Variants in DISC1 observed in about 807,000 individuals in gnomAD.
DISC1 encodes DISC1 scaffold protein, also known as disrupted in schizophrenia 1 protein.
Under a neutral mutation model 84.5 loss-of-function variants are expected in DISC1, and 57 were observed. That is an observed-to-expected ratio of 0.67 (90% CI 0.55 to 0.84). The LOEUF is 0.84. Among genes scored for constraint, DISC1 ranks in the 40% least tolerant of loss-of-function variants. The probability of loss-of-function intolerance (pLI) is 0.00; values close to 1 mark genes in which losing one functional copy is unlikely to be tolerated. For missense variants in DISC1, 1,000 were observed against 1,057.8 expected (o/e 0.95, Z 0.76); for synonymous variants, 411 against 415.2 (o/e 0.99, Z 0.12).
At chr1:231,840,287 A>G (rs1170454369) in intron 9 of DISC1, among the ~76,000 whole-genome samples, 1 of 152,192 alleles carries the variant, frequency 6.6e-6, no homozygotes, top group African/African-American at 2.4e-5. Flanking sequence ...GTGACCTGGC[A>G]ATTCCACTCC....
chr1:231,731,974 C>G (rs529079794), intron 3 of DISC1, among the ~76,000 whole-genome samples: 1 of 152,270 alleles, frequency 6.6e-6, no homozygotes, highest in African/African-American at 2.4e-5. Context: ...CTGACTTGTT[C>G]AACATCTTGC....
intron 1 of DISC1, among the ~76,000 whole-genome samples, chr1:231,662,860 A>T (rs1462170997): frequency 3.9e-5 from 6 of 152,248 alleles, no homozygotes; most frequent in Admixed American, 2.0e-4. Context: ...AAAAAGGTCA[A>T]CAAAACACAA....
At chr1:231,885,680 G>A (rs1254545321) in intron 9 of DISC1, among the ~76,000 whole-genome samples, 1 of 152,144 alleles carries the variant, frequency 6.6e-6, no homozygotes, top group South Asian at 2.1e-4. Context: ...GAACCAGTCC[G>A]TGTGTCAGTC....
At chr1:231,977,578 A>G (rs1662991836) in intron 10 of DISC1, among the ~76,000 whole-genome samples, 1 of 152,212 alleles carries the variant, frequency 6.6e-6, no homozygotes, top group African/African-American at 2.4e-5. Flanking sequence ...ATCCAGGATC[A>G]TCTCCATCTC....
chr1:231,957,421 A>G (rs1659711342), intron 9 of DISC1, among the ~76,000 whole-genome samples: 1 of 151,498 alleles, frequency 6.6e-6, no homozygotes, highest in Admixed American at 6.6e-5. Context: ...CTAATGTTTT[A>G]TGGAATTTTT....
chr1:232,034,290 T>C (rs1241108681), intron 12 of DISC1, among the ~76,000 whole-genome samples: 1 of 152,180 alleles, frequency 6.6e-6, no homozygotes, highest in Non-Finnish European at 1.5e-5. Context: ...CAAAAGACAC[T>C]ATACTCTCAC....
At chr1:231,679,599 C>T (rs1484245152) in intron 1 of DISC1, among the ~76,000 whole-genome samples, 1 of 152,202 alleles carries the variant, frequency 6.6e-6, no homozygotes, top group Non-Finnish European at 1.5e-5. Flanking sequence ...TCCCCAGAGA[C>T]TTATTCTTAA....
intron 9 of DISC1, among the ~76,000 whole-genome samples, chr1:231,923,253 C>T (rs1273145710): frequency 2.7e-5 from 4 of 150,788 alleles, no homozygotes; most frequent in African/African-American, 9.8e-5. Flanking sequence ...CGCCACTGCA[C>T]TCCAGCCTAC....
At chr1:231,951,711 G>T (rs537564764) in intron 9 of DISC1, among the ~76,000 whole-genome samples, 1 of 152,144 alleles carries the variant, frequency 6.6e-6, no homozygotes, top group African/African-American at 2.4e-5. Context: ...CACGGGCAGC[G>T]TGATATTCAC....
In DISC1 at chr1:232,037,069, ATTTCT is replaced by A; in HGVS notation, c.*243_*247del. On this transcript the variant is annotated 3_prime_UTR_variant, in exon 13 of 13. Transcript: ENST00000439617. Reference sequence around the variant, plus strand: ...ATTTCCTTCTAAATGTCACTCAAAAATTTCTTTTCCATGTCATTCTTGGGAATGTC... The same window carrying A: ...ATTTCCTTCTAAATGTCACTCAAAAATTTCCATGTCATTCTTGGGAATGTC... 2.9e-6 allele frequency: 1 copy of A among 347,190 alleles called. No homozygotes were observed. Among genetic ancestry groups the A allele is most frequent in the East Asian group, 4.8e-5 (1 of 20,714 alleles). The allele number at this position is 347,190 out of a possible 1,614,324, so 21.5% of individuals were successfully genotyped here.
intron 8 of DISC1, among the ~76,000 whole-genome samples, chr1:231,811,451 T>G (rs923812967): frequency 6.6e-6 from 1 of 152,246 alleles, no homozygotes. Flanking sequence ...TTGAAAGATC[T>G]GGTGTCACGC....
rs1385107529 is a variant in DISC1 at position 231,664,027 on chromosome 1, T to TATCC, written c.68-29795_68-29792dup. ...TGTGCTAATGCCATATCTATCTATC[T>TATCC]ATCCATCTATCTATCCATCCATCCA... On this transcript the variant is annotated intron_variant, in intron 1 of 12. Coordinates refer to ENST00000439617, the MANE Select transcript of DISC1 (RefSeq NM_018662.3). Among the ~76,000 whole-genome samples, 11 of 140,876 alleles carry TATCC rather than the reference T, an allele frequency of 7.8e-5. No homozygotes were observed. In the East Asian group the frequency reaches 2.4e-3, roughly 30 times the overall value. The allele number at this position is 140,876 out of a possible 152,430, so 92.4% of individuals were successfully genotyped here.
At chr1:231,854,392 A>C (rs202064249) in intron 9 of DISC1, among the ~76,000 whole-genome samples, 10 of 152,228 alleles carry the variant, frequency 6.6e-5, no homozygotes, top group Non-Finnish European at 1.5e-4. Flanking sequence ...TAAATTGTTA[A>C]ATATGTGTAA....
At chr1:231,984,140 A>T (rs1446303923) in intron 10 of DISC1, among the ~76,000 whole-genome samples, 3 of 152,232 alleles carry the variant, frequency 2.0e-5, no homozygotes, top group African/African-American at 7.2e-5. Context: ...GTATCAGGAA[A>T]GATAAATACT....
intron 9 of DISC1, among the ~76,000 whole-genome samples, chr1:231,890,119 T>C (rs1379051734): frequency 1.3e-5 from 2 of 152,188 alleles, no homozygotes; most frequent in African/African-American, 4.8e-5. Context: ...AAAATGTTAT[T>C]TCCTCTCTCC....
rs17770256 is a variant in DISC1, at chr1:231,897,806, G to A, written c.1982-61022G>A. Among the ~76,000 whole-genome samples the A allele has an allele frequency of 0.037, 5,586 of 152,218 alleles. 129 individuals are homozygous for A. Among genetic ancestry groups the A allele is most frequent in the Non-Finnish European group, 0.054 (3,696 of 68,020 alleles). On this transcript the variant is annotated intron_variant, in intron 9 of 12. Coordinates refer to ENST00000439617, the MANE Select transcript of DISC1 (RefSeq NM_018662.3). This position sits in a 1 kb window ranked among gnomAD's most constrained non-coding sequence, Gnocchi z 4.5. ...CTCTTTTTGGGTTAGCTTAAGCTAGGGATGTTTTATTTTAGGTTTTTTTCT... is the reference window on the plus strand; with the variant it reads ...CTCTTTTTGGGTTAGCTTAAGCTAGAGATGTTTTATTTTAGGTTTTTTTCT...
chr1:231,886,334 T>C (rs1423382980), intron 9 of DISC1, among the ~76,000 whole-genome samples: 1 of 152,222 alleles, frequency 6.6e-6, no homozygotes, highest in East Asian at 1.9e-4. Context: ...TTGCTAGTGG[T>C]AAATCTTCAA....
rs1375098834 is a variant in DISC1, at chr1:232,031,436, GGGAAAA to G, written c.2425+4887_2425+4892del. Among the ~76,000 whole-genome samples, 1 of 146,702 alleles carries G rather than the reference GGGAAAA, an allele frequency of 6.8e-6. No homozygotes were observed. Among genetic ancestry groups the G allele is most frequent in the Non-Finnish European group, 1.5e-5 (1 of 66,910 alleles). ...GGAGAAGAGACAAGGGAAAGGAGAA[GGGAAAA>G]GGGAAAGGAGAAGGGAAGGGAGAAG... On this transcript the variant is annotated intron_variant, in intron 12 of 12. Coordinates refer to ENST00000439617, the MANE Select transcript of DISC1 (RefSeq NM_018662.3). The surrounding 1 kb of genome is among the most constrained non-coding windows in gnomAD (Gnocchi z 4.6).
chr1:231,839,728 A>G (rs535446312), intron 9 of DISC1, among the ~76,000 whole-genome samples: 173 of 152,338 alleles, frequency 1.1e-3, no homozygotes, highest in African/African-American at 4.0e-3. Context: ...CAGGCTGTAC[A>G]TGAAATATAG....
Sources: gnomAD v4.1 joint callset for allele counts (sites outside exome capture counted in the v4.1 genomes callset) on GRCh38, gnomAD v4.1.1 for gene constraint, Gnocchi (gnomAD v3.1) non-coding constraint, MANE v1.5 for transcripts, NCBI Gene and HGNC (gene_info 2026-07-23, HGNC 2026-07-21) for gene names.